The following ZNF735 variants were observed in gnomAD, a reference collection of about 807,000 sequenced individuals.
ZNF735 encodes the protein putative zinc finger protein 735.
A neutral mutation model predicts 13.4 loss-of-function variants in ZNF735; 11 were observed. The observed-to-expected ratio is 0.82, with a 90% confidence interval of 0.52 to 1.36. The LOEUF is 1.36. Ranked by LOEUF, ZNF735 falls within the 40% of genes most tolerant of loss-of-function variation. ZNF735 has a pLI of 0.00. For synonymous variants in ZNF735, 171 were observed against 162.6 expected (o/e 1.05, Z -0.39); for missense variants, 500 against 484.6 (o/e 1.03, Z -0.30).
At chr7:64,212,800 AAAAAG>A (rs1787376327) in intron 1 of ZNF735, among the ~76,000 whole-genome samples, 1 of 151,974 alleles carries the variant, frequency 6.6e-6, no homozygotes, top group East Asian at 1.9e-4. Context: ...AGAAAAAAAA[AAAAAG>A]AAAAGAAAAA....
chr7:64,211,769 G>A (rs908567686), intron 1 of ZNF735, among the ~76,000 whole-genome samples: 1 of 151,574 alleles, frequency 6.6e-6, no homozygotes. Context: ...GGGAGGTTGA[G>A]GCAGGAGAAT....
chr7:64,212,072 C>T (rs945911829), intron 1 of ZNF735, among the ~76,000 whole-genome samples: 16 of 151,920 alleles, frequency 1.1e-4, no homozygotes, highest in African/African-American at 3.1e-4. Flanking sequence ...ATTTTTTCCA[C>T]GATAGAGTTA....
In ZNF735 at chr7:64,210,650, G is replaced by A. The variant is rs779351915; in HGVS notation, c.40-2442G>A. ...TGGTAGGAAGAGGTCAGTGCGGTTC[G>A]TGCTCCCATTACTGTAAAGAAGATT... On this transcript the variant is annotated intron_variant, in intron 1 of 3. Transcript: ENST00000429565. Among the ~76,000 whole-genome samples, 8 of 152,280 alleles carry A rather than the reference G, an allele frequency of 5.3e-5. No individual in the cohort carries two copies. The East Asian group carries it at 5.8e-4, about 11-fold the overall frequency.
intron 1 of ZNF735, among the ~76,000 whole-genome samples, chr7:64,209,842 AT>A (rs1338590755): frequency 6.6e-6 from 1 of 152,126 alleles, no homozygotes; most frequent in Non-Finnish European, 1.5e-5. Context: ...TAACCCTGAG[AT>A]TCTGGTATGT....
intron 1 of ZNF735, among the ~76,000 whole-genome samples, chr7:64,211,694 T>C (rs1020079504): frequency 6.6e-6 from 1 of 151,708 alleles, no homozygotes; most frequent in African/African-American, 2.4e-5. Flanking sequence ...TGAAACCCTG[T>C]CTCTACTAAA....
chr7:64,208,244 GTT>G (rs71060562), intron 1 of ZNF735, among the ~76,000 whole-genome samples: 1,035 of 92,324 alleles, frequency 0.011, no homozygotes, highest in African/African-American at 0.017. Flanking sequence ...TCCAATAAAT[GTT>G]TTTTTTTTTT....
At chr7:64,211,591 C>G (rs912641284) in intron 1 of ZNF735, among the ~76,000 whole-genome samples, 2 of 151,952 alleles carry the variant, frequency 1.3e-5, no homozygotes, top group Admixed American at 1.3e-4. Flanking sequence ...AGGTCAGTCA[C>G]GGTGGCTCAG....
chr7:64,220,192 T>C lies in ZNF735; in HGVS notation c.1141T>C (p.Tyr381His), dbSNP rs775160904. 1 of 1,613,064 alleles carries C rather than the reference T, an allele frequency of 6.2e-7. No individual in the cohort carries two copies. The highest frequency in any genetic ancestry group is 2.2e-5 in the East Asian group (1 of 44,842). Reference sequence around the variant, plus strand: ...GAGAATTCATACTGGAGAGAAACCATACAAATGTGAAGAATGTGACAAAGC... The same window carrying C: ...GAGAATTCATACTGGAGAGAAACCACACAAATGTGAAGAATGTGACAAAGC... Residue 381 changes from tyrosine to histidine, a missense_variant, in exon 4 of 4, where the codon TAC becomes CAC. Physicochemically the swap from Tyr to His is moderately conservative, Grantham distance 83. Coordinates refer to ENST00000429565, the Ensembl canonical transcript of ZNF735.
exon 1 of ZNF735, chr7:64,207,221 C>G: frequency 6.2e-7 from 1 of 1,614,160 alleles, no homozygotes; most frequent in Non-Finnish European, 8.5e-7. Context: ...AAGACCGGGA[C>G]CCCCTGGAAG....
chr7:64,217,792 A>G (rs1164607848), intron 3 of ZNF735, among the ~76,000 whole-genome samples: 1 of 152,082 alleles, frequency 6.6e-6, no homozygotes, highest in Non-Finnish European at 1.5e-5. Flanking sequence ...TTAATGTTAC[A>G]ATAGTATATT....
intron 1 of ZNF735, among the ~76,000 whole-genome samples, chr7:64,212,362 G>C (rs1787370596): frequency 6.6e-6 from 1 of 152,120 alleles, no homozygotes; most frequent in Admixed American, 6.6e-5. Flanking sequence ...CAAATCTCCT[G>C]AAACAAAATC....
intron 3 of ZNF735, 85 bp downstream of exon 3, chr7:64,214,193 G>A: frequency 7.3e-7 from 1 of 1,375,566 alleles, no homozygotes; most frequent in Non-Finnish European, 9.8e-7. Flanking sequence ...GTGGTCTGCA[G>A]AGCTGTGCTT....
intron 3 of ZNF735, among the ~76,000 whole-genome samples, chr7:64,217,596 G>A (rs1270213192): frequency 6.6e-6 from 1 of 151,468 alleles, no homozygotes; most frequent in Non-Finnish European, 1.5e-5. Context: ...TATATATTTT[G>A]AAGTCCTGAT....
At position 64,214,241 on chromosome 7, in the gene ZNF735, A is replaced by T. The variant is rs896682905; in HGVS notation, c.262+133A>T. ...TTTCTGAGAAGCTTGAGTATTTTTTATTTTTTATTTTTTTTATTTTTTTGC... is the reference window on the plus strand; with the variant it reads ...TTTCTGAGAAGCTTGAGTATTTTTTTTTTTTTATTTTTTTTATTTTTTTGC... On this transcript the variant is annotated intron_variant, in intron 3 of 3. Transcript: ENST00000429565. The T allele has an allele frequency of 1.8e-5, 18 of 1,014,394 alleles. No individual in the cohort carries two copies. The Admixed American group carries it at 4.1e-4, about 23-fold the overall frequency. The allele number at this position is 1,014,394 out of a possible 1,614,324, so 62.8% of individuals were successfully genotyped here. A position where few individuals can be genotyped will look rare whatever the true frequency, so the allele number is the denominator to read the frequency against.
chr7:64,219,184 A>G, intron 3 of ZNF735, 130 bp from the exon 4 acceptor site: 1 of 1,157,336 alleles, frequency 8.6e-7, no homozygotes, highest in Non-Finnish European at 1.2e-6. Flanking sequence ...TCTATGAAGG[A>G]ATTATGGCCT....
chr7:64,209,866 C>T (rs1306654186), intron 1 of ZNF735, among the ~76,000 whole-genome samples: 1 of 152,094 alleles, frequency 6.6e-6, no homozygotes, highest in Non-Finnish European at 1.5e-5. Context: ...TACTTAATCT[C>T]TAATTAGTTT....
rs1412225876 is a variant in ZNF735 at position 64,207,341 on chromosome 7, G to A, written c.39+100G>A. ...CCCATACTTCCTCGCAGTCAGCTCC[G>A]GAGTCTGAGGACCCAAATCCTCCTT... On this transcript the variant is annotated intron_variant, in intron 1 of 3. Transcript: ENST00000429565. 1.1e-5 allele frequency: 17 copies of A among 1,607,272 alleles called. No homozygotes were observed. The Admixed American group carries it at 1.3e-4, about 13-fold the overall frequency.
rs543837050 is a variant in ZNF735 at position 64,213,567 on chromosome 7, T to C, written c.166+349T>C. ...TTACAAATTTAAAATATTTTCTAAA[T>C]ATTGAGAAAGTTCTGTTACAAATAA... On this transcript the variant is annotated intron_variant, in intron 2 of 3. Transcript: ENST00000429565. Among the ~76,000 whole-genome samples, 143 of 152,334 alleles carry C rather than the reference T, an allele frequency of 9.4e-4. 1 individual carries two copies. Among genetic ancestry groups the C allele is most frequent in the Middle Eastern group, 3.4e-3 (1 of 294 alleles).
chr7:64,209,595 G>A (rs896398438), intron 1 of ZNF735, among the ~76,000 whole-genome samples: 2 of 152,142 alleles, frequency 1.3e-5, no homozygotes, highest in African/African-American at 4.8e-5. Flanking sequence ...AAAGTGCTGG[G>A]ATTCCAGGAG....
Sources: allele counts gnomAD v4.1 joint callset (sites outside exome capture counted in the v4.1 genomes callset), GRCh38; gene constraint gnomAD v4.1.1; transcripts MANE v1.5; gene names NCBI Gene and HGNC (gene_info 2026-07-23, HGNC 2026-07-21).